PLCB1: variants seen among roughly 807,000 people sequenced by gnomAD.
The protein encoded by PLCB1 is 1-phosphatidylinositol 4,5-bisphosphate phosphodiesterase beta-1.
A neutral mutation model predicts 161.8 loss-of-function variants in PLCB1; 46 were observed. The ratio of observed to expected loss-of-function variants is 0.28; its 90% CI spans 0.22 to 0.36. The LOEUF (loss-of-function observed/expected upper bound fraction) is 0.36, where lower values mean the gene tolerates loss of function less well. Ranked by LOEUF, PLCB1 falls within the 10% of genes least tolerant of loss-of-function variation. The pLI, the probability that PLCB1 is intolerant of heterozygous loss-of-function variation, is 1.00. For missense variants in PLCB1, 1,016 were observed against 1,472.5 expected (o/e 0.69, Z 5.07); for synonymous variants, 517 against 503.7 (o/e 1.03, Z -0.35).
chr20:8,316,515 T>A (rs543218403), intron 2 of PLCB1, among the ~76,000 whole-genome samples: 18 of 152,288 alleles, frequency 1.2e-4, no homozygotes, highest in African/African-American at 4.3e-4. Context: ...TGTTGGTCAG[T>A]CTCAACCCGG....
chr20:8,284,449 A>T (rs1038903449), intron 2 of PLCB1, among the ~76,000 whole-genome samples: 3 of 152,116 alleles, frequency 2.0e-5, no homozygotes, highest in Non-Finnish European at 4.4e-5. Context: ...CTTTGTAAGA[A>T]ATTATTGGCC....
At chr20:8,183,026 G>A (rs941260186) in intron 2 of PLCB1, among the ~76,000 whole-genome samples, 1 of 152,148 alleles carries the variant, frequency 6.6e-6, no homozygotes, top group Non-Finnish European at 1.5e-5. Context: ...GCTGCATTCA[G>A]CTGAGCTGGG....
At chr20:8,873,434 C>G (rs1166039899) in intron 31 of PLCB1, among the ~76,000 whole-genome samples, 1 of 151,982 alleles carries the variant, frequency 6.6e-6, no homozygotes, top group Non-Finnish European at 1.5e-5. Flanking sequence ...TAAAATTGTC[C>G]TAGTCACTGT....
intron 3 of PLCB1, among the ~76,000 whole-genome samples, chr20:8,495,296 A>T (rs1983113983): frequency 6.6e-6 from 1 of 152,054 alleles, no homozygotes; most frequent in African/African-American, 2.4e-5. Context: ...GCCAGTAAGT[A>T]ATGGGGTCAA....
chr20:8,296,409 G>T (rs1470792788), intron 2 of PLCB1, among the ~76,000 whole-genome samples: 2 of 152,116 alleles, frequency 1.3e-5, no homozygotes, highest in East Asian at 3.9e-4. Flanking sequence ...ATTTAGTCCT[G>T]ACAGTGGGGA....
intron 14 of PLCB1, 106 bp from the exon 15 acceptor site, chr20:8,722,248 C>A: frequency 2.4e-6 from 2 of 821,072 alleles, no homozygotes; most frequent in Non-Finnish European, 1.9e-6. Flanking sequence ...AACAGCCCAA[C>A]TTCCAAGGAA....
At chr20:8,332,521 G>A (rs1985403832) in intron 2 of PLCB1, among the ~76,000 whole-genome samples, 1 of 152,156 alleles carries the variant, frequency 6.6e-6, no homozygotes, top group South Asian at 2.1e-4. Context: ...TTTCCATGTT[G>A]CATCTCATTT....
At chr20:8,728,273 G>A (rs971947590) in intron 17 of PLCB1, among the ~76,000 whole-genome samples, 1 of 152,092 alleles carries the variant, frequency 6.6e-6, no homozygotes, top group African/African-American at 2.4e-5. Context: ...CAGCTAGCAA[G>A]TTTGAGAGTT....
At chr20:8,796,403 C>T (rs6077424) in intron 31 of PLCB1, among the ~76,000 whole-genome samples, 13 of 151,944 alleles carry the variant, frequency 8.6e-5, no homozygotes, top group Admixed American at 5.2e-4. Context: ...AGGCAAACTT[C>T]GGGATTTAAA....
chr20:8,212,365 A>G (rs1365806578), intron 2 of PLCB1, among the ~76,000 whole-genome samples: 1 of 152,142 alleles, frequency 6.6e-6, no homozygotes, highest in Non-Finnish European at 1.5e-5. Flanking sequence ...CAGAATTACT[A>G]TCTAACCATT....
chr20:8,209,323 C>G (rs966355121), intron 2 of PLCB1, among the ~76,000 whole-genome samples: 1 of 151,928 alleles, frequency 6.6e-6, no homozygotes, highest in African/African-American at 2.4e-5. Flanking sequence ...TTTTTCAGTT[C>G]AGTAACCAAA....
intron 3 of PLCB1, among the ~76,000 whole-genome samples, chr20:8,432,368 T>A (rs1333883541): frequency 1.3e-5 from 2 of 152,170 alleles, no homozygotes; most frequent in African/African-American, 4.8e-5. Context: ...TTGGAGTTTT[T>A]CCAAGGACCT....
chr20:8,513,723 A>C (rs1983988981), intron 3 of PLCB1, among the ~76,000 whole-genome samples: 1 of 152,166 alleles, frequency 6.6e-6, no homozygotes, highest in Non-Finnish European at 1.5e-5. Flanking sequence ...AAAAGAAACA[A>C]AAGTGGTCAG....
intron 3 of PLCB1, among the ~76,000 whole-genome samples, chr20:8,402,981 TG>T: frequency 6.6e-6 from 1 of 152,348 alleles, no homozygotes; most frequent in South Asian, 2.1e-4. Context: ...TTTAAGTTTA[TG>T]TATTTTGATG....
At chr20:8,811,184 T>C (rs1984803129) in intron 31 of PLCB1, among the ~76,000 whole-genome samples, 1 of 152,144 alleles carries the variant, frequency 6.6e-6, no homozygotes, top group African/African-American at 2.4e-5. Context: ...AGGTCATTAT[T>C]GGCCTTGATC....
chr20:8,860,967 G>A (rs1445830745), intron 31 of PLCB1, among the ~76,000 whole-genome samples: 2 of 152,076 alleles, frequency 1.3e-5, no homozygotes, highest in African/African-American at 4.8e-5. Context: ...GACAAATATT[G>A]CAATTTTATT....
intron 3 of PLCB1, among the ~76,000 whole-genome samples, chr20:8,577,599 A>G (rs1212652439): frequency 6.6e-6 from 1 of 152,196 alleles, no homozygotes; most frequent in Admixed American, 6.5e-5. Context: ...AGTTTAGTTT[A>G]TAAGTCTTGG....
chr20:8,193,504 C>T (rs732365), intron 2 of PLCB1, among the ~76,000 whole-genome samples: 2,755 of 151,958 alleles, frequency 0.018, 101 homozygotes, highest in African/African-American at 0.063. Context: ...AGAATAATCA[C>T]ATTTGCATAT....
Position 8,462,268 on chromosome 20 carries a change from G to A in PLCB1, c.246+90818G>A, listed in dbSNP as rs192794574. Among the ~76,000 whole-genome samples, 9 of 152,238 alleles carry A rather than the reference G, an allele frequency of 5.9e-5. No individual in the cohort carries two copies. The East Asian group carries it at 1.7e-3, about 29-fold the overall frequency. ...TCACTGAGGCTGAGTAAACCTTTAA[G>A]CTCTTTTACTGTCTGCTGTGGTGTT... On this transcript the variant is annotated intron_variant, in intron 3 of 31. Coordinates refer to ENST00000338037, the MANE Select transcript of PLCB1 (RefSeq NM_015192.4).
Sources: allele counts gnomAD v4.1 joint callset (sites outside exome capture counted in the v4.1 genomes callset), GRCh38; gene constraint gnomAD v4.1.1; transcripts MANE v1.5; gene names NCBI Gene and HGNC (gene_info 2026-07-23, HGNC 2026-07-21).